SLC18B1: variants seen among roughly 807,000 people sequenced by gnomAD.
The protein encoded by SLC18B1 is MFS-type transporter SLC18B1.
A neutral mutation model predicts 53.9 loss-of-function variants in SLC18B1; 62 were observed. That is an observed-to-expected ratio of 1.15 (90% confidence interval 0.94 to 1.42). The LOEUF is 1.42. Among genes scored for constraint, SLC18B1 ranks in the 40% most tolerant of loss-of-function variants. The probability of loss-of-function intolerance (pLI) is 0.00; values close to 1 mark genes in which losing one functional copy is unlikely to be tolerated. For synonymous variants in SLC18B1, 217 were observed against 200.9 expected (o/e 1.08, Z -0.68); for missense variants, 598 against 547.3 (o/e 1.09, Z -0.93).
At chr6:132,785,645 T>C (rs1781350179) in intron 5 of SLC18B1, among the ~76,000 whole-genome samples, 2 of 152,174 alleles carry the variant, frequency 1.3e-5, no homozygotes, top group South Asian at 4.1e-4. Context: ...AACATTGGTG[T>C]CTCTTGCTGA....
rs1582877328 is a variant in SLC18B1 at position 132,797,019 on chromosome 6, A to C, written c.146T>G (p.Met49Arg). The C allele has an allele frequency of 3.7e-6, 6 of 1,614,206 alleles. No homozygotes were observed. The highest frequency in any genetic ancestry group is 5.1e-6 in the Non-Finnish European group (6 of 1,180,026). ...AAACGGTCCAAGTATAGAATAGCAC[A>C]TCATGGAACCTAAGTTCACCGAAGC... ...SAASVNLGSM[M>R]CYSILGPFFP... Residue 49 changes from methionine to arginine, a missense_variant, in exon 2 of 14, where the codon ATG (methionine) becomes AGG (arginine). Met to Arg is a moderately conservative substitution (Grantham distance 91). Coordinates refer to ENST00000275227, the MANE Select transcript of SLC18B1 (RefSeq NM_052831.3).
In SLC18B1 at chr6:132,787,484, A is replaced by T; in HGVS notation, c.451T>A (p.Ser151Thr). Reference protein sequence around the residue: ...AVSFAAAMTASSSILAKAFPN... With the variant: ...AVSFAAAMTATSSILAKAFPN... ...AAAGCCTTTGCCAGGATAGAAGAAG[A>T]TGCAGTCATTGCTGCAGCAAAGCTA... The change falls in exon 5 of 14, where the codon TCT (serine) becomes ACT (threonine). Residue 151 changes from serine (S) to threonine (T), a missense_variant. By Grantham distance (58) the Ser-to-Thr change is moderately conservative. Coordinates refer to ENST00000275227, the MANE Select transcript of SLC18B1 (RefSeq NM_052831.3). 6.2e-7 allele frequency: 1 copy of T among 1,608,556 alleles called. No homozygotes were observed. Among genetic ancestry groups the T allele is most frequent in the Non-Finnish European group, 8.5e-7 (1 of 1,177,948 alleles).
At chr6:132,796,054 A>C (rs1781667139) in intron 2 of SLC18B1, among the ~76,000 whole-genome samples, 1 of 151,968 alleles carries the variant, frequency 6.6e-6, no homozygotes, top group Non-Finnish European at 1.5e-5. Flanking sequence ...CTCTACTAAA[A>C]ATACAAAAAT....
chr6:132,779,873 T>C (rs1781188203), intron 6 of SLC18B1, among the ~76,000 whole-genome samples: 1 of 152,156 alleles, frequency 6.6e-6, no homozygotes, highest in Non-Finnish European at 1.5e-5. Flanking sequence ...AGGGACATTT[T>C]ACATGGCTGC....
intron 8 of SLC18B1, 62 bp downstream of exon 8, chr6:132,776,266 A>G (rs1781096264): frequency 4.7e-6 from 6 of 1,290,184 alleles, no homozygotes; most frequent in Non-Finnish European, 6.7e-6. Flanking sequence ...CCAAAGGAAC[A>G]GTTGGAAAAC....
chr6:132,797,957 T>G (rs1781742510), intron 1 of SLC18B1, among the ~76,000 whole-genome samples: 1 of 152,130 alleles, frequency 6.6e-6, no homozygotes, highest in African/African-American at 2.4e-5. Context: ...GAGAAATACA[T>G]TTGCTTTGCT....
rs757466603 is a variant in SLC18B1, at chr6:132,779,265, T to C, written c.795+3A>G. ...AGCACTCTTCAGCAATCAGGTAACT[T>C]ACCTTCTCCAAAACAAAGAGAGACA... On this transcript the variant is annotated splice_donor_region_variant and intron_variant, in intron 7 of 13. Transcript: ENST00000275227. 5 of 1,613,664 alleles carry C rather than the reference T, an allele frequency of 3.1e-6. No individual in the cohort carries two copies. In the Admixed American group the frequency reaches 5.0e-5, roughly 16 times the overall value.
At chr6:132,781,358 T>TG (rs904164662) in intron 6 of SLC18B1, among the ~76,000 whole-genome samples, 5 of 147,336 alleles carry the variant, frequency 3.4e-5, no homozygotes, top group African/African-American at 1.0e-4. Flanking sequence ...CTGTTAGAGA[T>TG]GGGGGGGTGG....
At chr6:132,785,045 A>C (rs966022677) in intron 5 of SLC18B1, among the ~76,000 whole-genome samples, 8 of 149,396 alleles carry the variant, frequency 5.4e-5, no homozygotes, top group African/African-American at 2.0e-4. Context: ...GTCCAGTTAA[A>C]AAAAAAAAAA....
At chr6:132,779,654 GA>G (rs753165065) in intron 6 of SLC18B1, among the ~76,000 whole-genome samples, 2 of 152,192 alleles carry the variant, frequency 1.3e-5, no homozygotes, top group Non-Finnish European at 2.9e-5. Context: ...GTGAGGAGAA[GA>G]AGGGGTCTTA....
chr6:132,789,227 T>TC (rs1360234341), intron 4 of SLC18B1, among the ~76,000 whole-genome samples: 1 of 152,170 alleles, frequency 6.6e-6, no homozygotes, highest in Admixed American at 6.5e-5. Flanking sequence ...GAACATTCTT[T>TC]CCCCATGGCT....
chr6:132,798,500 C>G lies in SLC18B1; in HGVS notation c.-44G>C. ...GGCGCCCCAGCTCCCGGCTTCAAGC[C>G]ACGTCCTTGGACTCGACCTCCAAGG... On this transcript the variant is annotated 5_prime_UTR_variant, in exon 1 of 14. Coordinates refer to ENST00000275227, the MANE Select transcript of SLC18B1 (RefSeq NM_052831.3). 6.8e-7 allele frequency: 1 copy of G among 1,460,318 alleles called. No homozygotes were observed. The highest frequency in any genetic ancestry group is 1.4e-5 in the South Asian group (1 of 73,628). The allele number at this position is 1,460,318 out of a possible 1,614,324, so 90.5% of individuals were successfully genotyped here. A position where few individuals can be genotyped will look rare whatever the true frequency, so the allele number is the denominator to read the frequency against.
Position 132,770,280 on chromosome 6 carries a change from T to C in SLC18B1, c.1361A>G (p.Asn454Ser). 2 of 1,613,402 alleles carry C rather than the reference T, an allele frequency of 1.2e-6. No homozygotes were observed. The change falls in exon 14 of 14, where the codon AAT becomes AGT. Residue 454 changes from asparagine to serine, a missense_variant. Transcript: ENST00000275227. Reference sequence around the variant, plus strand: ...CCAGGATCCATCGGACTAGGTTTCATTAGGCAAGAGAGTAGTTCGTTCCTC... The same window carrying C: ...CCAGGATCCATCGGACTAGGTTTCACTAGGCAAGAGAGTAGTTCGTTCCTC... ...TEEERTTLLP[N>S]ET
intron 7 of SLC18B1, among the ~76,000 whole-genome samples, chr6:132,777,529 C>G (rs544047981): frequency 1.3e-5 from 2 of 152,114 alleles, no homozygotes; most frequent in Non-Finnish European, 2.9e-5. Context: ...CTGGCTAACA[C>G]GGTGAAACCT....
chr6:132,774,198 C>T (rs966416291), intron 9 of SLC18B1, 24 bp downstream of exon 9: 21 of 1,561,758 alleles, frequency 1.3e-5, no homozygotes, highest in African/African-American at 8.2e-5. Flanking sequence ...TTTGGCCAAA[C>T]ATACAGAAGA....
chr6:132,795,176 A>C (rs1166414266), intron 2 of SLC18B1, among the ~76,000 whole-genome samples: 1 of 152,188 alleles, frequency 6.6e-6, no homozygotes, highest in East Asian at 1.9e-4. Flanking sequence ...AAAGAAAAAA[A>C]AAAACAGTCT....
chr6:132,796,606 C>T (rs1339402186), intron 2 of SLC18B1, among the ~76,000 whole-genome samples: 1 of 150,786 alleles, frequency 6.6e-6, no homozygotes, highest in Non-Finnish European at 1.5e-5. Context: ...TGAATAAAAC[C>T]TCGAGAAAAT....
chr6:132,771,973 T>A (rs748997818), intron 11 of SLC18B1, among the ~76,000 whole-genome samples, 159 bp downstream of exon 11: 9 of 151,860 alleles, frequency 5.9e-5, no homozygotes, highest in Non-Finnish European at 8.8e-5. Flanking sequence ...GCACCTGTAA[T>A]CTCAGCTACT....
intron 4 of SLC18B1, among the ~76,000 whole-genome samples, chr6:132,789,089 A>C (rs920737561): frequency 6.6e-6 from 1 of 152,090 alleles, no homozygotes; most frequent in Non-Finnish European, 1.5e-5. Context: ...AAGCTCTTCC[A>C]CATTATTTGG....
Sources: gnomAD v4.1 joint callset for allele counts (sites outside exome capture counted in the v4.1 genomes callset) on GRCh38, gnomAD v4.1.1 for gene constraint, MANE v1.5 for transcripts, NCBI Gene and HGNC (gene_info 2026-07-23, HGNC 2026-07-21) for gene names.